KLHL1: variants seen among roughly 807,000 people sequenced by gnomAD.
KLHL1 encodes kelch like family member 1.
Under a neutral mutation model 77.7 loss-of-function variants are expected in KLHL1, and 47 were observed. That is an observed-to-expected ratio of 0.60 (90% confidence interval 0.48 to 0.77). KLHL1 has a LOEUF of 0.77. KLHL1 is among the 30% of genes least tolerant of loss of function. The pLI, the probability that KLHL1 is intolerant of heterozygous loss-of-function variation, is 0.00. For missense variants in KLHL1, 925 were observed against 910.8 expected (o/e 1.02, Z -0.20); for synonymous variants, 360 against 325.2 (o/e 1.11, Z -1.15).
intron 7 of KLHL1, among the ~76,000 whole-genome samples, chr13:69,775,435 C>G (rs990590798): frequency 5.3e-5 from 8 of 152,014 alleles, no homozygotes. Context: ...AGGGTATACT[C>G]TTTTAATTAA....
Position 69,740,556 on chromosome 13 carries a change from C to T in KLHL1, c.1640G>A (p.Gly547Asp). Residue 547 changes from glycine to aspartate, a missense_variant and splice_region_variant, in exon 8 of 11, where the codon GGT (glycine) becomes GAT (aspartate). Transcript: ENST00000377844. ...AATAGGGCCTTCAAGTACTGTTACA[C>T]CTAAAATATTAGATAAATGAATGTA... ...PPMSTHRHGL[G>D]VTVLEGPIYA... 1.9e-6 allele frequency: 3 copies of T among 1,601,612 alleles called. No individual in the cohort carries two copies. The highest frequency in any genetic ancestry group is 2.6e-6 in the Non-Finnish European group (3 of 1,171,676).
At chr13:70,101,428 T>C (rs1028367658) in intron 1 of KLHL1, among the ~76,000 whole-genome samples, 1 of 151,924 alleles carries the variant, frequency 6.6e-6, no homozygotes, top group Non-Finnish European at 1.5e-5. Context: ...TAGCCGTATA[T>C]ATATATAATT....
intron 3 of KLHL1, among the ~76,000 whole-genome samples, chr13:69,957,193 T>C (rs1883915398): frequency 6.6e-6 from 1 of 151,722 alleles, no homozygotes; most frequent in Non-Finnish European, 1.5e-5. Flanking sequence ...AGGAAAATGC[T>C]CACGAAACTG....
chr13:69,989,801 A>G (rs1313772100), intron 1 of KLHL1, among the ~76,000 whole-genome samples: 1 of 151,848 alleles, frequency 6.6e-6, no homozygotes, highest in Admixed American at 6.6e-5. Context: ...TGATTTTTGT[A>G]TATTGATTTT....
intron 8 of KLHL1, among the ~76,000 whole-genome samples, chr13:69,736,407 T>A (rs1873763766): frequency 6.6e-6 from 1 of 152,104 alleles, no homozygotes; most frequent in Non-Finnish European, 1.5e-5. Context: ...TTGGCATGGA[T>A]GTGGTGAAAA....
intron 5 of KLHL1, among the ~76,000 whole-genome samples, chr13:69,864,285 CATTAA>C (rs531596239): frequency 2.0e-5 from 3 of 151,838 alleles, no homozygotes; most frequent in Admixed American, 6.6e-5. Context: ...CTAAAAAATA[CATTAA>C]ATTAAAATAT....
In KLHL1 at chr13:69,790,565, G is replaced by C. The variant is rs9572288; in HGVS notation, c.1639+6173C>G. On this transcript the variant is annotated intron_variant, in intron 7 of 10. Transcript: ENST00000377844. ...CACAAAATACTAACAAACAAATAAAGAAATACAGCAAAATATAAAAAGAGT... is the reference window on the plus strand; with the variant it reads ...CACAAAATACTAACAAACAAATAAACAAATACAGCAAAATATAAAAAGAGT... Among the ~76,000 whole-genome samples the C allele has an allele frequency of 8.4e-4, 127 of 151,454 alleles. 1 individual carries two copies. The highest frequency in any genetic ancestry group is 3.0e-3 in the African/African-American group (123 of 41,290).
chr13:69,833,543 G>C (rs188936144), intron 6 of KLHL1, among the ~76,000 whole-genome samples: 1 of 151,900 alleles, frequency 6.6e-6, no homozygotes, highest in East Asian at 1.9e-4. Flanking sequence ...ATAAAAAACA[G>C]TATGGAGATT....
intron 4 of KLHL1, among the ~76,000 whole-genome samples, chr13:69,911,793 T>C (rs548736058): frequency 2.0e-5 from 3 of 152,246 alleles, no homozygotes; most frequent in South Asian, 2.1e-4. Context: ...TTCTTTTCTA[T>C]TGTAATCTCT....
intron 4 of KLHL1, among the ~76,000 whole-genome samples, chr13:69,931,911 TATTAA>T (rs1883015079): frequency 6.6e-6 from 1 of 151,830 alleles, no homozygotes; most frequent in African/African-American, 2.4e-5. Context: ...ATTTGTTTCT[TATTAA>T]ATTTTCTAAT....
At chr13:70,019,532 T>G (rs115130046) in intron 1 of KLHL1, among the ~76,000 whole-genome samples, 6 of 152,282 alleles carry the variant, frequency 3.9e-5, no homozygotes, top group African/African-American at 1.4e-4. Context: ...CATTTAACAC[T>G]TATTACATAC....
At chr13:69,843,304 C>G (rs1879337535) in intron 5 of KLHL1, among the ~76,000 whole-genome samples, 1 of 151,530 alleles carries the variant, frequency 6.6e-6, no homozygotes. Context: ...GAAATGTACT[C>G]CTTTTTCATG....
At chr13:69,791,054 C>A (rs566852237) in intron 7 of KLHL1, among the ~76,000 whole-genome samples, 30 of 151,982 alleles carry the variant, frequency 2.0e-4, no homozygotes, top group African/African-American at 6.8e-4. Flanking sequence ...GGGAAACACA[C>A]ACACACACAC....
At chr13:70,079,965 C>G (rs1380921952) in intron 1 of KLHL1, among the ~76,000 whole-genome samples, 1 of 152,146 alleles carries the variant, frequency 6.6e-6, no homozygotes, top group Non-Finnish European at 1.5e-5. Flanking sequence ...CAGGTTCACA[C>G]CAGGATGTGA....
At chr13:69,934,251 G>A (rs1198109613) in intron 4 of KLHL1, among the ~76,000 whole-genome samples, 1 of 152,092 alleles carries the variant, frequency 6.6e-6, no homozygotes, top group Admixed American at 6.6e-5. Context: ...CTGCTTATGT[G>A]CCAAGCACGA....
intron 6 of KLHL1, chr13:69,803,116 T>C (rs569054634): frequency 6.6e-6 from 1 of 152,276 alleles, no homozygotes; most frequent in African/African-American, 2.4e-5. Context: ...TTAGGGATAT[T>C]TTAATTGAAA....
chr13:69,992,810 C>T (rs1372963020), intron 1 of KLHL1, among the ~76,000 whole-genome samples: 1 of 151,456 alleles, frequency 6.6e-6, no homozygotes, highest in Non-Finnish European at 1.5e-5. Context: ...AGACAACTCA[C>T]AAAATAAGAT....
intron 3 of KLHL1, among the ~76,000 whole-genome samples, chr13:69,953,455 G>T (rs952989824): frequency 4.0e-5 from 6 of 150,978 alleles, no homozygotes; most frequent in African/African-American, 1.5e-4. Flanking sequence ...TAGTAGAAAA[G>T]ATGTCAAAAT....
intron 8 of KLHL1, among the ~76,000 whole-genome samples, chr13:69,721,079 A>ATATATATATATATATAC (rs1555300737): frequency 7.4e-5 from 5 of 67,632 alleles, no homozygotes; most frequent in Admixed American, 1.7e-4. Context: ...ATATATATAT[A>ATATATATATATATATAC]AAGCTATGTA....
Sources: allele counts gnomAD v4.1 joint callset (sites outside exome capture counted in the v4.1 genomes callset), GRCh38; gene constraint gnomAD v4.1.1; transcripts MANE v1.5; gene names NCBI Gene and HGNC (gene_info 2026-07-23, HGNC 2026-07-21).